SHISA9: variants seen among roughly 807,000 people sequenced by gnomAD.
The protein encoded by SHISA9 is shisa family member 9.
Under a neutral mutation model 38.0 loss-of-function variants are expected in SHISA9, and 13 were observed. The observed-to-expected ratio is 0.34, with a 90% confidence interval of 0.22 to 0.54. The LOEUF is 0.54. Ranked by LOEUF, SHISA9 falls within the 20% of genes least tolerant of loss-of-function variation. The pLI is 0.91. For synonymous variants in SHISA9, 275 were observed against 242.0 expected, an observed-to-expected ratio of 1.14 and a Z score of -1.27; for missense variants, 538 against 575.8, an observed-to-expected ratio of 0.93 and a Z score of 0.67.
At chr16:13,446,454 T>G in the SHISA9 span, among the ~76,000 whole-genome samples, 1 of 152,092 alleles carries the variant, frequency 6.6e-6, no homozygotes, top group African/African-American at 2.4e-5. Flanking sequence ...AAATTGAATT[T>G]GGTATTATGA....
At chr16:13,225,806 T>G (rs938552010) in intron 4 of SHISA9, among the ~76,000 whole-genome samples, 6 of 152,206 alleles carry the variant, frequency 3.9e-5, no homozygotes, top group Admixed American at 3.3e-4. Flanking sequence ...AAGTGTCTGC[T>G]GCTAATTAAG....
chr16:13,173,728 G>A (rs913265061), intron 2 of SHISA9, among the ~76,000 whole-genome samples: 3 of 152,126 alleles, frequency 2.0e-5, no homozygotes, highest in Non-Finnish European at 4.4e-5. Flanking sequence ...CAATTGTGCC[G>A]AGATTTGGAA....
At chr16:13,116,321 A>C (rs1380545316) in intron 2 of SHISA9, among the ~76,000 whole-genome samples, 3 of 152,178 alleles carry the variant, frequency 2.0e-5, no homozygotes, top group Non-Finnish European at 4.4e-5. Flanking sequence ...TCATTCATGG[A>C]CACTTTCCAA....
intron 2 of SHISA9, among the ~76,000 whole-genome samples, chr16:12,996,250 A>C (rs142523184): frequency 6.6e-6 from 1 of 152,182 alleles, no homozygotes; most frequent in Non-Finnish European, 1.5e-5. Context: ...AGCATTGAAA[A>C]ACCGAGAGGC....
intron 2 of SHISA9, among the ~76,000 whole-genome samples, chr16:13,026,246 C>CG (rs918512014): frequency 6.8e-3 from 4 of 586 alleles, no homozygotes; most frequent in Non-Finnish European, 0.024. Context: ...CCTCCCTATC[C>CG]CCCGGCAACT....
intron 2 of SHISA9, among the ~76,000 whole-genome samples, chr16:12,967,368 A>G (rs577896400): frequency 3.3e-5 from 5 of 152,218 alleles, no homozygotes; most frequent in African/African-American, 1.2e-4. Flanking sequence ...ATGAGAACAC[A>G]TGGACACAGG....
chr16:12,945,684 T>G (rs1217321290), intron 2 of SHISA9, among the ~76,000 whole-genome samples: 1 of 152,220 alleles, frequency 6.6e-6, no homozygotes, highest in African/African-American at 2.4e-5. Context: ...ACTGAAAAAT[T>G]GGAATGATAA....
chr16:13,108,930 GCAT>G (rs2073951914), intron 2 of SHISA9, among the ~76,000 whole-genome samples: 1 of 152,174 alleles, frequency 6.6e-6, no homozygotes, highest in Non-Finnish European at 1.5e-5. Context: ...GTGCTGAGCA[GCAT>G]CATGTGAAAA....
At chr16:13,412,555 G>T in the SHISA9 span, among the ~76,000 whole-genome samples, 3 of 151,894 alleles carry the variant, frequency 2.0e-5, no homozygotes, top group Non-Finnish European at 4.4e-5. Context: ...ACTTCGGGCA[G>T]CTCTCAGATT....
intron 2 of SHISA9, among the ~76,000 whole-genome samples, chr16:13,086,961 C>G (rs935483792): frequency 6.7e-6 from 1 of 148,656 alleles, no homozygotes; most frequent in Non-Finnish European, 1.5e-5. Flanking sequence ...TATCCCTCCC[C>G]AAGCCCCCCA....
At chr16:13,482,504 A>G in the SHISA9 span, among the ~76,000 whole-genome samples, 4 of 152,356 alleles carry the variant, frequency 2.6e-5, no homozygotes, top group East Asian at 7.7e-4. Flanking sequence ...TAAAGAGATT[A>G]AGAGACACTT....
At chr16:13,187,197 G>T (rs1298235145) in intron 2 of SHISA9, among the ~76,000 whole-genome samples, 1 of 152,130 alleles carries the variant, frequency 6.6e-6, no homozygotes, top group Non-Finnish European at 1.5e-5. Context: ...GCATTGCTGG[G>T]GCAGGATTGC....
the SHISA9 span, among the ~76,000 whole-genome samples, chr16:13,528,289 G>C: frequency 3.3e-5 from 5 of 151,908 alleles, no homozygotes; most frequent in African/African-American, 4.8e-5. Context: ...AACCTAAAGA[G>C]TCCATTTCCA....
intron 2 of SHISA9, among the ~76,000 whole-genome samples, chr16:13,145,500 C>T (rs2050439498): frequency 6.6e-6 from 1 of 152,274 alleles, no homozygotes; most frequent in East Asian, 1.9e-4. Flanking sequence ...GCACTCCAGC[C>T]TGGGCAACAA....
chr16:13,328,765 AC>A, the SHISA9 span, among the ~76,000 whole-genome samples: 10 of 152,010 alleles, frequency 6.6e-5, no homozygotes, highest in Non-Finnish European at 1.0e-4. Context: ...GAGCCACCAT[AC>A]CCAGCCTAGC....
the SHISA9 span, among the ~76,000 whole-genome samples, chr16:13,443,743 A>G: frequency 6.6e-6 from 1 of 152,358 alleles, no homozygotes; most frequent in South Asian, 2.1e-4. Flanking sequence ...ATTAACATTA[A>G]CAAAATGGCA....
chr16:13,285,467 T>C, the SHISA9 span, among the ~76,000 whole-genome samples: 3 of 147,918 alleles, frequency 2.0e-5, no homozygotes, highest in South Asian at 2.1e-4. Flanking sequence ...GTGTAGTTTT[T>C]TTTTTTTTTT....
chr16:12,992,880 T>A (rs185057822), intron 2 of SHISA9, among the ~76,000 whole-genome samples: 132 of 152,324 alleles, frequency 8.7e-4, no homozygotes, highest in African/African-American at 3.1e-3. Flanking sequence ...CTTTATCTCT[T>A]GGATTCTTCC....
chr16:13,080,032 G>T (rs1437880245), intron 2 of SHISA9, among the ~76,000 whole-genome samples: 1 of 152,058 alleles, frequency 6.6e-6, no homozygotes, highest in Admixed American at 6.5e-5. Context: ...AGAAACCAGG[G>T]AAATTTTAGG....
Sources: allele counts gnomAD v4.1 joint callset (sites outside exome capture counted in the v4.1 genomes callset), GRCh38; gene constraint gnomAD v4.1.1; transcripts MANE v1.5; gene names NCBI Gene and HGNC (gene_info 2026-07-23, HGNC 2026-07-21).